Variants in SPATA3 observed in about 807,000 individuals in gnomAD.
SPATA3 encodes the protein spermatogenesis associated 3, also known as spermatogenesis-associated protein 3.
SPATA3 carries 6 observed loss-of-function variants against 5.7 expected under a neutral mutation model. That is an observed-to-expected ratio of 1.06 (90% CI 0.58 to 2.09). The LOEUF is 2.09. Ranked by LOEUF, SPATA3 falls within the 30% of genes most tolerant of loss-of-function variation. SPATA3 has a pLI of 0.00. For synonymous variants in SPATA3, 44 were observed against 48.4 expected (o/e 0.91, Z 0.37); for missense variants, 155 against 130.4 (o/e 1.19, Z -0.92).
Position 230,996,519 on chromosome 2 carries a change from C to G in SPATA3, c.791-3847C>G, listed in dbSNP as rs144302040. 271 of 1,551,924 alleles carry G rather than the reference C, an allele frequency of 1.7e-4. 1 individual carries two copies. The African/African-American group carries it at 3.5e-3, about 20-fold the overall frequency. ...AGATGCTAACGTGAAGGCAGCCCCT[C>G]AATCCAGGAAAGCAGGTGGGCTGTC... On this transcript the variant is annotated intron_variant, in intron 1 of 2. Transcript: ENST00000645363.
chr2:231,015,118 T>C (rs1469982192), intron 6 of SPATA3, among the ~76,000 whole-genome samples: 1 of 150,504 alleles, frequency 6.6e-6, no homozygotes, highest in Admixed American at 6.6e-5. Context: ...CCCTACAGAG[T>C]CCCAACTGAG....
At chr2:231,004,860 T>C (rs558501741), downstream of SPATA3, among the ~76,000 whole-genome samples, 1 of 152,146 alleles carries the variant, frequency 6.6e-6, no homozygotes, top group South Asian at 2.1e-4. Flanking sequence ...AAAAAATGCA[T>C]GTAAAACACT....
chr2:231,004,483 A>G, downstream of SPATA3, among the ~76,000 whole-genome samples: 1 of 152,152 alleles, frequency 6.6e-6, no homozygotes, highest in East Asian at 1.9e-4. Flanking sequence ...TTTCTCTGAC[A>G]GTGACATGTC....
At chr2:231,008,472 A>G (rs763071996), downstream of SPATA3, among the ~76,000 whole-genome samples, 11 of 152,198 alleles carry the variant, frequency 7.2e-5, no homozygotes, top group African/African-American at 1.2e-4. Flanking sequence ...AGCCACTGGG[A>G]AGGCAGGGAG....
downstream of SPATA3, among the ~76,000 whole-genome samples, chr2:231,011,901 C>T (rs1298778232): frequency 6.6e-6 from 1 of 152,174 alleles, no homozygotes; most frequent in East Asian, 1.9e-4. Flanking sequence ...GCAGCTCCCC[C>T]TCTGTATGTG....
At chr2:231,014,455 G>A (rs1402343520) in intron 6 of SPATA3, among the ~76,000 whole-genome samples, 2 of 152,154 alleles carry the variant, frequency 1.3e-5, no homozygotes, top group African/African-American at 4.8e-5. Flanking sequence ...GCTATGCACT[G>A]CGACTCACCC....
downstream of SPATA3, among the ~76,000 whole-genome samples, chr2:231,011,877 C>T (rs1463482416): frequency 6.6e-6 from 1 of 152,220 alleles, no homozygotes; most frequent in African/African-American, 2.4e-5. Flanking sequence ...CTCAGGAAGC[C>T]TCTGCATCCC....
At chr2:231,013,727 T>C (rs1203808944) in intron 5 of SPATA3, 1 of 152,220 alleles carries the variant, frequency 6.6e-6, no homozygotes, top group African/African-American at 2.4e-5. Context: ...TGACCTCAGA[T>C]GATCTGCCCA....
At chr2:231,005,448 T>TCACCAC (rs1363254856), downstream of SPATA3, among the ~76,000 whole-genome samples, 10 of 26,106 alleles carry the variant, frequency 3.8e-4, no homozygotes, top group African/African-American at 1.2e-3. Flanking sequence ...ATCACCACCA[T>TCACCAC]CACCACCACC....
At chr2:231,013,766 G>C (rs899396465) in intron 5 of SPATA3, 5 of 151,514 alleles carry the variant, frequency 3.3e-5, no homozygotes, top group African/African-American at 1.2e-4. Context: ...GTTTTTAATT[G>C]TACTGGCATT....
chr2:231,010,146 G>T (rs1369568955), downstream of SPATA3, among the ~76,000 whole-genome samples: 1 of 152,228 alleles, frequency 6.6e-6, no homozygotes, highest in Non-Finnish European at 1.5e-5. Flanking sequence ...GTCCTCTAAA[G>T]GTTCACTGAA....
downstream of SPATA3, among the ~76,000 whole-genome samples, chr2:231,005,553 C>A (rs370464208): frequency 1.6e-5 from 1 of 63,252 alleles, no homozygotes; most frequent in Non-Finnish European, 3.5e-5. Flanking sequence ...ATCATCACCA[C>A]CACCATCATC....
At chr2:231,016,367 C>T (rs1367759377) in intron 6 of SPATA3, among the ~76,000 whole-genome samples, 1 of 152,112 alleles carries the variant, frequency 6.6e-6, no homozygotes, top group Non-Finnish European at 1.5e-5. Flanking sequence ...CCCACACTTC[C>T]CCGAATTCTC....
chr2:231,012,688 A>G (rs2136476), exon 5 of SPATA3: 66,324 of 151,970 alleles, frequency 0.44, 15,567 homozygotes, highest in African/African-American at 0.59. Flanking sequence ...GGCTACTGCC[A>G]GGGAACTAGG....
downstream of SPATA3, chr2:231,007,272 A>T (rs902622273): frequency 6.7e-6 from 1 of 148,982 alleles, no homozygotes; most frequent in Admixed American, 6.7e-5. Context: ...TTAAAAAAAG[A>T]AAAAAAAAAC....
intron 6 of SPATA3, among the ~76,000 whole-genome samples, chr2:231,016,521 AAAAG>A (rs1489599657): frequency 4.6e-5 from 7 of 151,150 alleles, no homozygotes; most frequent in South Asian, 2.1e-4. Context: ...AAAAAAAAAA[AAAAG>A]AAGAAGAAGG....
At chr2:231,002,708 T>C (rs1692399770) in exon 3 of SPATA3, 2 of 1,524,020 alleles carry the variant, frequency 1.3e-6, no homozygotes, top group African/African-American at 2.8e-5. Context: ...AACCCTCCAG[T>C]CATCGTAACG....
At chr2:231,016,847 G>C (rs1574678391) in intron 6 of SPATA3, among the ~76,000 whole-genome samples, 1 of 152,126 alleles carries the variant, frequency 6.6e-6, no homozygotes, top group African/African-American at 2.4e-5. Flanking sequence ...TTCAAGCTGA[G>C]ATAACCCAGG....
intron 1 of SPATA3, chr2:230,996,514 C>T: frequency 6.4e-7 from 1 of 1,551,928 alleles, no homozygotes; most frequent in Non-Finnish European, 8.7e-7. Flanking sequence ...GTGAAGGCAG[C>T]CCCTCAATCC....
Sources: allele counts gnomAD v4.1 joint callset (sites outside exome capture counted in the v4.1 genomes callset), GRCh38; gene constraint gnomAD v4.1.1; transcripts MANE v1.5; gene names NCBI Gene and HGNC (gene_info 2026-07-23, HGNC 2026-07-21).